TBC1D5: variants seen among roughly 807,000 people sequenced by gnomAD.
TBC1D5 encodes the protein TBC1 domain family member 5.
TBC1D5 carries 75 observed loss-of-function variants against 100.3 expected under a neutral mutation model. That is an observed-to-expected ratio of 0.75 (90% CI 0.62 to 0.91). The LOEUF is 0.91. Among genes scored for constraint, TBC1D5 ranks in the 40% least tolerant of loss-of-function variants. The pLI is 0.00. For missense variants in TBC1D5, 910 were observed against 942.4 expected (o/e 0.97, Z 0.45); for synonymous variants, 323 against 325.6 (o/e 0.99, Z 0.09).
At chr3:17,716,119 C>T in intron 1 of TBC1D5, among the ~76,000 whole-genome samples, 1 of 152,046 alleles carries the variant, frequency 6.6e-6, no homozygotes, top group Non-Finnish European at 1.5e-5. Context: ...CCATGAGGTC[C>T]TTAGATGAAA....
chr3:17,388,056 T>C (rs923570123), intron 8 of TBC1D5, among the ~76,000 whole-genome samples: 4 of 152,064 alleles, frequency 2.6e-5, no homozygotes, highest in African/African-American at 9.7e-5. Context: ...ACTCTAAAAA[T>C]AGAGATGAAC....
At chr3:17,495,124 A>G (rs2095690235) in intron 3 of TBC1D5, among the ~76,000 whole-genome samples, 1 of 152,130 alleles carries the variant, frequency 6.6e-6, no homozygotes, top group Admixed American at 6.5e-5. Flanking sequence ...GAGAACCTGG[A>G]TACCTCTGTT....
At chr3:17,293,496 C>G (rs1388066896) in intron 14 of TBC1D5, among the ~76,000 whole-genome samples, 1 of 152,110 alleles carries the variant, frequency 6.6e-6, no homozygotes, top group Non-Finnish European at 1.5e-5. Flanking sequence ...TTATTTGAAC[C>G]TTTCATCAAG....
chr3:17,731,791 C>T (rs1354482463), intron 1 of TBC1D5, among the ~76,000 whole-genome samples: 3 of 151,740 alleles, frequency 2.0e-5, no homozygotes, highest in Non-Finnish European at 4.4e-5. Context: ...GTGTCTGCCA[C>T]GTTTCTGGCT....
At chr3:17,655,549 G>A (rs1290704223) in intron 1 of TBC1D5, among the ~76,000 whole-genome samples, 1 of 151,710 alleles carries the variant, frequency 6.6e-6, no homozygotes, top group Non-Finnish European at 1.5e-5. Context: ...TTCACATCGT[G>A]GCATCCAAAT....
In TBC1D5 at chr3:17,194,341, G is replaced by A. The variant is rs1433514327; in HGVS notation, c.1753-9133C>T. Among the ~76,000 whole-genome samples the A allele has an allele frequency of 3.3e-5, 5 of 152,204 alleles. No homozygotes were observed. In the East Asian group the frequency reaches 5.8e-4, roughly 18 times the overall value. ...ACCTCTTCTCAACATGGAGTAGGAT[G>A]CAGCGGGGAGAGAAGCAGGGTGACA... On this transcript the variant is annotated intron_variant, in intron 18 of 21. Coordinates refer to ENST00000253692, the Ensembl canonical transcript of TBC1D5.
intron 3 of TBC1D5, among the ~76,000 whole-genome samples, chr3:17,467,626 G>C (rs370037240): frequency 1.3e-4 from 20 of 152,036 alleles, no homozygotes; most frequent in Admixed American, 3.3e-4. Context: ...AGTGGCTCAC[G>C]CATGTAAGGA....
At position 17,325,543 on chromosome 3, in the gene TBC1D5, T is replaced by G. The variant is rs376532526; in HGVS notation, c.996-17409A>C. Reference sequence around the variant, plus strand: ...TTCACCATGTTGGCCAGGCTGGTCTTGAACTCCCAACCTTATGATCCACCT... The same window carrying G: ...TTCACCATGTTGGCCAGGCTGGTCTGGAACTCCCAACCTTATGATCCACCT... On this transcript the variant is annotated intron_variant, in intron 13 of 21. Coordinates refer to ENST00000253692, the Ensembl canonical transcript of TBC1D5. Among the ~76,000 whole-genome samples the G allele has an allele frequency of 2.8e-4, 42 of 152,236 alleles. No individual in the cohort carries two copies. The East Asian group carries it at 4.8e-3, about 18-fold the overall frequency.
chr3:17,565,992 G>A (rs995333546), intron 2 of TBC1D5, among the ~76,000 whole-genome samples: 29 of 151,918 alleles, frequency 1.9e-4, no homozygotes, highest in African/African-American at 6.5e-4. Context: ...AGTATTCTAC[G>A]GAGGAAAATC....
chr3:17,171,051 C>T (rs774383176), intron 19 of TBC1D5, among the ~76,000 whole-genome samples: 9 of 152,240 alleles, frequency 5.9e-5, no homozygotes, highest in Admixed American at 1.3e-4. Flanking sequence ...CCACATTGCC[C>T]GAAAAACCTG....
At chr3:17,399,121 C>T (rs952683120) in intron 8 of TBC1D5, among the ~76,000 whole-genome samples, 1 of 152,004 alleles carries the variant, frequency 6.6e-6, no homozygotes, top group Non-Finnish European at 1.5e-5. Context: ...AAAACCTGTT[C>T]ATTGAATAAT....
At chr3:17,437,875 C>T (rs1265162857) in intron 3 of TBC1D5, among the ~76,000 whole-genome samples, 4 of 152,064 alleles carry the variant, frequency 2.6e-5, no homozygotes, top group African/African-American at 9.7e-5. Context: ...TTATAGAAGG[C>T]AATTTAATTT....
rs796421789 is a variant in TBC1D5, at chr3:17,285,385, C to CT, written c.1245+6509_1245+6510insA. ...ACGGCATTCTCCTGCCTCAGCCTCCCGAGTAGCTGGGACTACAGGCGCCCG... is the reference window on the plus strand; with the variant it reads ...ACGGCATTCTCCTGCCTCAGCCTCCCTGAGTAGCTGGGACTACAGGCGCCCG... On this transcript the variant is annotated intron_variant, in intron 15 of 21. Transcript: ENST00000253692. 1.5e-3 allele frequency among the ~76,000 whole-genome samples: 233 copies of CT among 150,454 alleles called. 2 individuals carry two copies. The highest frequency in any genetic ancestry group is 5.5e-3 in the African/African-American group (224 of 40,846).
chr3:17,216,584 A>G (rs1293831365), intron 17 of TBC1D5, among the ~76,000 whole-genome samples: 3 of 152,082 alleles, frequency 2.0e-5, no homozygotes, highest in Non-Finnish European at 2.9e-5. Context: ...AACAGGCCCC[A>G]AGGCCTAGAA....
At chr3:17,265,950 T>C (rs1179672788) in intron 15 of TBC1D5, among the ~76,000 whole-genome samples, 1 of 151,888 alleles carries the variant, frequency 6.6e-6, no homozygotes, top group East Asian at 1.9e-4. Context: ...ATAGTGGTAA[T>C]TATCTAAAAA....
chr3:17,487,204 TAAGAAA>T (rs2095580249), intron 3 of TBC1D5, among the ~76,000 whole-genome samples: 1 of 152,176 alleles, frequency 6.6e-6, no homozygotes, highest in South Asian at 2.1e-4. Flanking sequence ...TTTGGCCATA[TAAGAAA>T]AAGTTTGTTG....
At chr3:17,643,504 AACAATTATT>A (rs1290009127) in intron 1 of TBC1D5, among the ~76,000 whole-genome samples, 4 of 152,092 alleles carry the variant, frequency 2.6e-5, no homozygotes, top group African/African-American at 9.7e-5. Flanking sequence ...TCTTGCCTGC[AACAATTATT>A]ACGGTGGTGT....
intron 18 of TBC1D5, among the ~76,000 whole-genome samples, chr3:17,200,059 T>TC (rs2071267648): frequency 8.0e-6 from 1 of 124,582 alleles, no homozygotes; most frequent in South Asian, 2.4e-4. Flanking sequence ...ACAATTGTTT[T>TC]TCAAGTAGAA....
intron 2 of TBC1D5, among the ~76,000 whole-genome samples, chr3:17,538,242 G>A (rs913271148): frequency 6.6e-6 from 1 of 152,068 alleles, no homozygotes; most frequent in Non-Finnish European, 1.5e-5. Flanking sequence ...CACAGCCAGC[G>A]CCAGGAAAAG....
Sources: allele counts gnomAD v4.1 joint callset (sites outside exome capture counted in the v4.1 genomes callset), GRCh38; gene constraint gnomAD v4.1.1; transcripts MANE v1.5; gene names NCBI Gene and HGNC (gene_info 2026-07-23, HGNC 2026-07-21).